CXADR: variants seen among roughly 807,000 people sequenced by gnomAD.
CXADR encodes the protein coxsackievirus and adenovirus receptor.
In CXADR, 20 loss-of-function variants were observed where a neutral mutation model predicts 40.3. That is an observed-to-expected ratio of 0.50 (90% CI 0.35 to 0.72). CXADR has a LOEUF of 0.72. CXADR is among the 30% of genes least tolerant of loss of function. The pLI, the probability that CXADR is intolerant of heterozygous loss-of-function variation, is 0.01. For synonymous variants in CXADR, 150 were observed against 161.3 expected, an observed-to-expected ratio of 0.93 and a Z score of 0.53; for missense variants, 332 against 449.1, an observed-to-expected ratio of 0.74 and a Z score of 2.36.
At chr21:17,589,656 A>C (rs190931133) in intron 7 of CXADR, among the ~76,000 whole-genome samples, 59 of 152,084 alleles carry the variant, frequency 3.9e-4, no homozygotes, top group Non-Finnish European at 4.7e-4. Context: ...CAGATGTTCA[A>C]ATTTTATTAA....
intron 7 of CXADR, among the ~76,000 whole-genome samples, chr21:17,588,360 C>T (rs1307914243): frequency 6.6e-6 from 1 of 152,002 alleles, no homozygotes; most frequent in East Asian, 1.9e-4. Flanking sequence ...TTCTTCCTAC[C>T]CATGAGCATG....
the CXADR span, chr21:17,604,225 G>A: frequency 3.3e-5 from 22 of 670,050 alleles, no homozygotes; most frequent in Admixed American, 2.8e-4. Context: ...GGCGGATCAC[G>A]AGGTCAGGAG....
chr21:17,573,619 G>A (rs13050434), downstream of CXADR, among the ~76,000 whole-genome samples: 27,231 of 152,172 alleles, frequency 0.18, 2,553 homozygotes, highest in East Asian at 0.23. Context: ...TAGTTGAAAC[G>A]GTTATGAGGC....
intron 6 of CXADR, among the ~76,000 whole-genome samples, chr21:17,562,613 C>T (rs907982259): frequency 6.6e-6 from 1 of 152,244 alleles, no homozygotes; most frequent in African/African-American, 2.4e-5. Flanking sequence ...CAGACATTGA[C>T]ATCTTTAGCC....
At chr21:17,629,387 CAAA>C in the CXADR span, among the ~76,000 whole-genome samples, 12 of 80,580 alleles carry the variant, frequency 1.5e-4, 1 homozygote, top group Admixed American at 1.5e-3. Context: ...GACTGTGTCT[CAAA>C]AAAAAAAAAA....
At chr21:17,547,278 G>A in intron 2 of CXADR, 85 bp downstream of exon 2, 2 of 1,563,606 alleles carry the variant, frequency 1.3e-6, no homozygotes, top group African/African-American at 1.3e-5. Context: ...ACATGGATGG[G>A]CTGCAGGGAG....
the CXADR span, among the ~76,000 whole-genome samples, chr21:17,630,140 G>A: frequency 5.3e-5 from 8 of 152,012 alleles, no homozygotes; most frequent in African/African-American, 1.4e-4. Context: ...AAAGACAGTC[G>A]AATGAAAGTT....
the CXADR span, among the ~76,000 whole-genome samples, chr21:17,634,793 A>G: frequency 1.2e-4 from 19 of 152,286 alleles, no homozygotes; most frequent in Admixed American, 1.2e-3. Flanking sequence ...TGCCCAGGCT[A>G]TAGTGCAGTG....
chr21:17,524,602 A>T (rs1261793436), intron 1 of CXADR, among the ~76,000 whole-genome samples: 2 of 119,780 alleles, frequency 1.7e-5, no homozygotes, highest in Non-Finnish European at 3.5e-5. Flanking sequence ...AAAAAAAAAA[A>T]GCCAGTTAGA....
intron 7 of CXADR, among the ~76,000 whole-genome samples, chr21:17,575,633 G>A (rs993481033): frequency 2.0e-5 from 3 of 151,752 alleles, no homozygotes; most frequent in African/African-American, 7.3e-5. Context: ...TGGGACTACA[G>A]GTGTCCACTA....
At chr21:17,589,120 A>G (rs539056831) in intron 7 of CXADR, among the ~76,000 whole-genome samples, 12 of 152,080 alleles carry the variant, frequency 7.9e-5, no homozygotes, top group Non-Finnish European at 1.3e-4. Flanking sequence ...ACCAAATACT[A>G]TATTTAACAT....
chr21:17,565,327 A>C, intron 6 of CXADR, 101 bp from the exon 7 acceptor site: 2 of 1,248,026 alleles, frequency 1.6e-6, no homozygotes, highest in Non-Finnish European at 1.1e-6. Flanking sequence ...TTATATGTTT[A>C]GTACCTAAAT....
intron 1 of CXADR, among the ~76,000 whole-genome samples, chr21:17,538,097 G>A (rs1181933784): frequency 1.3e-5 from 2 of 152,020 alleles, no homozygotes; most frequent in African/African-American, 4.8e-5. Flanking sequence ...CACCTCCCGG[G>A]TTCAAGCCAT....
Position 17,565,307 on chromosome 21 carries a change from A to G in CXADR, c.834-121A>G. 2.9e-6 allele frequency: 3 copies of G among 1,019,918 alleles called. No individual in the cohort carries two copies. In the South Asian group the frequency reaches 5.0e-5, roughly 17 times the overall value. 63.2% of individuals were successfully genotyped at this position (1,019,918 alleles called of 1,614,324 possible). A position where few individuals can be genotyped will look rare whatever the true frequency, so the allele number is the denominator to read the frequency against. On this transcript the variant is annotated intron_variant, in intron 6 of 6. Transcript: ENST00000284878. ...GACACACACACACACACACACACAC[A>G]CACACACTTTTATATGTTTAGTACC...
At chr21:17,630,021 T>C in the CXADR span, among the ~76,000 whole-genome samples, 3 of 152,218 alleles carry the variant, frequency 2.0e-5, no homozygotes, top group African/African-American at 7.2e-5. Flanking sequence ...CTGCCCCAGG[T>C]GGGAGGTAAA....
At chr21:17,564,901 AT>A (rs781492816) in intron 6 of CXADR, among the ~76,000 whole-genome samples, 1 of 151,956 alleles carries the variant, frequency 6.6e-6, no homozygotes, top group African/African-American at 2.4e-5. Flanking sequence ...AGCCCGGCTA[AT>A]TTTTGTATTT....
intron 1 of CXADR, 62 bp from the exon 2 acceptor site, chr21:17,546,965 G>C (rs571230869): frequency 3.2e-6 from 5 of 1,581,230 alleles, no homozygotes; most frequent in Non-Finnish European, 3.4e-6. Context: ...ATGGCTGCGG[G>C]GCACTGTGTG....
downstream of CXADR, among the ~76,000 whole-genome samples, chr21:17,595,797 T>A (rs2061496618): frequency 6.6e-6 from 1 of 152,020 alleles, no homozygotes; most frequent in Non-Finnish European, 1.5e-5. Flanking sequence ...TGGTAAATAT[T>A]TAATACTTAG....
intron 1 of CXADR, among the ~76,000 whole-genome samples, chr21:17,521,559 GTGA>G (rs72039112): frequency 0.02 from 3,088 of 152,272 alleles, 110 homozygotes; most frequent in African/African-American, 0.068. Context: ...CTGACCTCAG[GTGA>G]TCCACCCTCC....
Sources: allele counts gnomAD v4.1 joint callset (sites outside exome capture counted in the v4.1 genomes callset), GRCh38; gene constraint gnomAD v4.1.1; transcripts MANE v1.5; gene names NCBI Gene and HGNC (gene_info 2026-07-23, HGNC 2026-07-21).